HUWE1: variants seen among roughly 807,000 people sequenced by gnomAD.
HUWE1 encodes the protein HECT, UBA and WWE domain containing E3 ubiquitin protein ligase 1, also known as E3 ubiquitin-protein ligase HUWE1.
Under a neutral mutation model 299.4 loss-of-function variants are expected in HUWE1, and 18 were observed. The ratio of observed to expected loss-of-function variants is 0.06; its 90% CI spans 0.04 to 0.09. The LOEUF (loss-of-function observed/expected upper bound fraction) is 0.09, where lower values mean the gene tolerates loss of function less well. HUWE1 is among the 10% of genes least tolerant of loss of function. The pLI is 1.00. For missense variants in HUWE1, 1,832 were observed against 3,462.3 expected (o/e 0.53, Z 11.82); for synonymous variants, 1,317 against 1,286.1 (o/e 1.02, Z -0.51).
chrX:53,621,873 G>C (rs1364216630), intron 19 of HUWE1, among the ~76,000 whole-genome samples: 1 of 112,065 alleles, frequency 8.9e-6, no homozygotes, highest in African/African-American at 3.2e-5. Flanking sequence ...TACACTCTCT[G>C]GTTAAGTGGT....
chrX:53,613,256 G>C (rs1308240521), intron 23 of HUWE1, among the ~76,000 whole-genome samples: 1 of 111,726 alleles, frequency 9.0e-6, no homozygotes, highest in Non-Finnish European at 1.9e-5. Context: ...AGTAGTTAAT[G>C]CCTCTCCTTA....
rs2063136441 is a variant in HUWE1, at chrX:53,576,972, T to C, written c.5812A>G (p.Ile1938Val). The C allele has an allele frequency of 8.3e-7, 1 of 1,198,099 alleles. No homozygotes were observed. Among genetic ancestry groups the C allele is most frequent in the South Asian group, 1.8e-5 (1 of 56,507 alleles). Residue 1938 changes from isoleucine (I) to valine (V), a missense_variant, in exon 44 of 84, where the codon ATC (isoleucine) becomes GTC (valine). By Grantham distance (29) the Ile-to-Val change is conservative. Coordinates refer to ENST00000262854, the MANE Select transcript of HUWE1 (RefSeq NM_031407.7). ...ATCACTTCCTTGATAGTATCAGGGA[T>C]GACAGGCAGAGGTGAGGGCTTCAAA... ...TPLKPSPLPV[I>V]PDTIKEVIYD...
rs781788404 is a variant in HUWE1 at position 53,548,088 on chromosome X, G to C, written c.10221C>G (p.Ser3407=). The change falls in exon 68 of 84, where the codon TCC becomes TCG. Residue 3407 remains serine, a synonymous_variant. Coordinates refer to ENST00000262854, the MANE Select transcript of HUWE1 (RefSeq NM_031407.7). ...NMNVSRKGKN[S]VKSVPVSAGG... ...CAGCGCTCACTGGCACTGACTTCAC[G>C]GAGTTCTTGCCTTTCCGGCTGACAT... 8.3e-7 allele frequency: 1 copy of C among 1,209,106 alleles called. No homozygotes were observed. The highest frequency in any genetic ancestry group is 2.2e-5 in the Admixed American group (1 of 45,800).
chrX:53,584,737 G>A (rs938880212), intron 40 of HUWE1, among the ~76,000 whole-genome samples: 2 of 111,668 alleles, frequency 1.8e-5, no homozygotes, highest in African/African-American at 3.3e-5. Flanking sequence ...TAACACGTTA[G>A]GAATGCTGGT....
chrX:53,671,862 G>A (rs2069563881), intron 3 of HUWE1, among the ~76,000 whole-genome samples: 1 of 105,910 alleles, frequency 9.4e-6, no homozygotes, highest in Non-Finnish European at 1.9e-5. Context: ...GGGTCAATAC[G>A]TGGGAAGAGC....
rs1432603897 is a variant in HUWE1 at position 53,627,632 on chromosome X, T to C, written c.1383+107A>G. 8 of 878,458 alleles carry C rather than the reference T, an allele frequency of 9.1e-6. No individual in the cohort carries two copies. In the Admixed American group the frequency reaches 1.4e-4, roughly 15 times the overall value. The allele number at this position is 878,458 out of a possible 1,213,427, so 72.4% of individuals were successfully genotyped here. On this transcript the variant is annotated intron_variant, in intron 16 of 83. Transcript: ENST00000262854. ...TGCAAGCAGATACACAGTTGATTTC[T>C]AGAAACAGAAGAGACTGTAAGATCG...
Position 53,627,767 on chromosome X carries a change from C to T in HUWE1, c.1355G>A (p.Gly452Glu). The stretch of plus-strand genomic sequence containing the variant: ...AAGTCTATAAATGAAGATAGAAAGT[C>T]CACTATGGGATTGAAAAGCTGCCAT... Reference protein sequence around the residue: ...LDMAAFQSHSGLSIFIYRLEH... With the variant: ...LDMAAFQSHSELSIFIYRLEH... The change falls in exon 16 of 84, where the codon GGA becomes GAA. Residue 452 changes from glycine to glutamate, a missense_variant. Coordinates refer to ENST00000262854, the MANE Select transcript of HUWE1 (RefSeq NM_031407.7). The T allele has an allele frequency of 8.3e-7, 1 of 1,202,136 alleles. No homozygotes were observed. The highest frequency in any genetic ancestry group is 1.1e-6 in the Non-Finnish European group (1 of 887,292).
chrX:53,665,205 C>G (rs1557047066), intron 3 of HUWE1, among the ~76,000 whole-genome samples: 2 of 111,816 alleles, frequency 1.8e-5, no homozygotes, highest in South Asian at 3.7e-4. Flanking sequence ...AAACATGACT[C>G]TCAAGTGCCC....
intron 4 of HUWE1, among the ~76,000 whole-genome samples, chrX:53,648,540 C>CAAAAAAAAAAAA (rs200558034): frequency 2.3e-5 from 2 of 85,738 alleles, no homozygotes; most frequent in African/African-American, 1.4e-4. Context: ...CAAAAAAAAA[C>CAAAAAAAAAAAA]AAAAAAAAAC....
intron 17 of HUWE1, chrX:53,626,169 A>G (rs1467023624): frequency 1.8e-5 from 5 of 284,934 alleles, no homozygotes; most frequent in Non-Finnish European, 3.3e-5. Context: ...GAACCCCAAA[A>G]TGAAAATATA....
chrX:53,585,023 T>G lies in HUWE1; in HGVS notation c.4990A>C (p.Thr1664Pro). 1 of 1,211,930 alleles carries G rather than the reference T, an allele frequency of 8.3e-7. No homozygotes were observed. The change falls in exon 40 of 84, where the codon ACA (threonine) becomes CCA (proline). Residue 1664 changes from threonine to proline, a missense_variant. Transcript: ENST00000262854. ...GRRRYTVQFT[T>P]MVQVNEETGN... is the part of the protein sequence containing the mutation. ...GAGTGAGCATGTACCTGCACCATTGTAGTGAATTGGACCGTGTATCTTCTT... is the reference window on the plus strand; with the variant it reads ...GAGTGAGCATGTACCTGCACCATTGGAGTGAATTGGACCGTGTATCTTCTT...
chrX:53,584,906 G>A (rs2148327858), intron 40 of HUWE1, 106 bp downstream of exon 40: 2 of 877,276 alleles, frequency 2.3e-6, no homozygotes, highest in Non-Finnish European at 1.7e-6. Context: ...AAAGAACAAC[G>A]ACAAAAAAAC....
chrX:53,553,304 G>C (rs1053582801), intron 61 of HUWE1, among the ~76,000 whole-genome samples: 1 of 108,672 alleles, frequency 9.2e-6, no homozygotes, highest in Non-Finnish European at 1.9e-5. Flanking sequence ...TACCACGCCC[G>C]GCCAGTTTTT....
chrX:53,639,928 G>A (rs2067467928), intron 7 of HUWE1, among the ~76,000 whole-genome samples: 1 of 112,471 alleles, frequency 8.9e-6, no homozygotes, highest in Non-Finnish European at 1.9e-5. Context: ...ACAGAAACAG[G>A]TTAATATTTG....
At chrX:53,583,212 T>G in intron 42 of HUWE1, among the ~76,000 whole-genome samples, 1 of 109,374 alleles carries the variant, frequency 9.1e-6, no homozygotes, top group South Asian at 4.0e-4. Flanking sequence ...CGAGAGGTAC[T>G]CCTACAAAGG....
rs782246066 is a variant in HUWE1 at position 53,561,970 on chromosome X, T to C, written c.7339-46A>G. ...GGAGAATTGCTGGAGGTAAGGGTTTTCTGAAGCCTGGTGCCATGGCCACAT... is the reference window on the plus strand; with the variant it reads ...GGAGAATTGCTGGAGGTAAGGGTTTCCTGAAGCCTGGTGCCATGGCCACAT... On this transcript the variant is annotated intron_variant, in intron 54 of 83. Transcript: ENST00000262854. 8 of 1,211,411 alleles carry C rather than the reference T, an allele frequency of 6.6e-6. No individual in the cohort carries two copies. The Admixed American group carries it at 1.5e-4, about 23-fold the overall frequency.
chrX:53,614,305 A>T (rs782516439), intron 23 of HUWE1, among the ~76,000 whole-genome samples: 9 of 111,602 alleles, frequency 8.1e-5, no homozygotes, highest in East Asian at 2.8e-4. Flanking sequence ...TAATTTTTTT[A>T]AAAAAAGATC....
At position 53,648,327 on chromosome X, in the gene HUWE1, A is replaced by G. The variant is rs1557037522; in HGVS notation, c.46-17T>C. 2 of 1,053,121 alleles carry G rather than the reference A, an allele frequency of 1.9e-6. No homozygotes were observed. The highest frequency in any genetic ancestry group is 6.0e-5 in the East Asian group (2 of 33,185). 86.8% of individuals were successfully genotyped at this position (1,053,121 alleles called of 1,213,427 possible). A position where few individuals can be genotyped will look rare whatever the true frequency, so the allele number is the denominator to read the frequency against. On this transcript the variant is annotated splice_polypyrimidine_tract_variant and intron_variant, in intron 4 of 83. Coordinates refer to ENST00000262854, the MANE Select transcript of HUWE1 (RefSeq NM_031407.7). ...GTCTGCAGGCTGAGAAAAGAAAAGT[A>G]TTCACAAAAGATGTTTTGGAATGAG...
chrX:53,604,786 C>T lies in HUWE1; in HGVS notation c.2545G>A (p.Asp849Asn). 1 of 1,209,241 alleles carries T rather than the reference C, an allele frequency of 8.3e-7. No individual in the cohort carries two copies. The highest frequency in any genetic ancestry group is 1.1e-6 in the Non-Finnish European group (1 of 893,164). Residue 849 changes from aspartate (D) to asparagine (N), a missense_variant, in exon 26 of 84, where the codon GAC becomes AAC. By Grantham distance (23) the Asp-to-Asn change is conservative (BLOSUM62 1). Coordinates refer to ENST00000262854, the MANE Select transcript of HUWE1 (RefSeq NM_031407.7). Reference sequence around the variant, plus strand: ...GGCTCCAGGGAGGAGAGGATGGAGTCCAACTGAAGGAGACCCTCTTGAAGG... The same window carrying T: ...GGCTCCAGGGAGGAGAGGATGGAGTTCAACTGAAGGAGACCCTCTTGAAGG... Reference protein sequence around the residue: ...KVLQEGLLQLDSILSSLEPLH... With the variant: ...KVLQEGLLQLNSILSSLEPLH...
Sources: gnomAD v4.1 joint callset for allele counts (sites outside exome capture counted in the v4.1 genomes callset) on GRCh38, gnomAD v4.1.1 for gene constraint, MANE v1.5 for transcripts, NCBI Gene and HGNC (gene_info 2026-07-23, HGNC 2026-07-21) for gene names.